The following RALGAPA1 variants were observed in gnomAD, a reference collection of about 807,000 sequenced individuals.
The protein encoded by RALGAPA1 is Ral GTPase activating protein catalytic subunit alpha 1.
A neutral mutation model predicts 269.6 loss-of-function variants in RALGAPA1; 52 were observed. That is an observed-to-expected ratio of 0.19 (90% CI 0.15 to 0.24). The LOEUF (loss-of-function observed/expected upper bound fraction) is 0.24. Among genes scored for constraint, RALGAPA1 ranks in the 10% least tolerant of loss-of-function variants. RALGAPA1 has a pLI of 1.00. For synonymous variants in RALGAPA1, 817 were observed against 1,008.3 expected (o/e 0.81, Z 3.60); for missense variants, 1,917 against 3,013.9 (o/e 0.64, Z 8.52).
intron 37 of RALGAPA1, among the ~76,000 whole-genome samples, chr14:35,592,105 A>T (rs1265383640): frequency 6.6e-6 from 1 of 152,322 alleles, no homozygotes; most frequent in Non-Finnish European, 1.5e-5. Context: ...GCAGTGTGAA[A>T]ACAGACTAAT....
intron 16 of RALGAPA1, among the ~76,000 whole-genome samples, chr14:35,715,162 C>T (rs1416561983): frequency 6.6e-6 from 1 of 152,074 alleles, no homozygotes; most frequent in Non-Finnish European, 1.5e-5. Flanking sequence ...GCCTCTCCTT[C>T]ATTCTCTCCT....
intron 38 of RALGAPA1, among the ~76,000 whole-genome samples, chr14:35,571,721 C>G (rs1467491700): frequency 6.6e-6 from 1 of 152,010 alleles, no homozygotes; most frequent in Non-Finnish European, 1.5e-5. Flanking sequence ...CCACCACCAC[C>G]ACCACCAACA....
At chr14:35,610,487 T>C (rs2059864422) in intron 35 of RALGAPA1, among the ~76,000 whole-genome samples, 1 of 152,114 alleles carries the variant, frequency 6.6e-6, no homozygotes, top group Non-Finnish European at 1.5e-5. Flanking sequence ...TTTCACCGTG[T>C]TAGCCAGGAT....
At chr14:35,684,810 TG>T in intron 20 of RALGAPA1, 118 bp downstream of exon 20, 1 of 1,008,870 alleles carries the variant, frequency 9.9e-7, no homozygotes, top group Non-Finnish European at 1.4e-6. Flanking sequence ...TTTTCTAACG[TG>T]GGAGCCACTG....
chr14:35,706,682 C>A (rs2140746005), intron 16 of RALGAPA1: 1 of 143,788 alleles, frequency 7.0e-6, no homozygotes, highest in East Asian at 2.1e-4. Context: ...TGCAGGGGCA[C>A]AATCATGGCT....
chr14:35,794,538 G>A (rs2076419308), intron 1 of RALGAPA1, among the ~76,000 whole-genome samples: 1 of 152,026 alleles, frequency 6.6e-6, no homozygotes, highest in African/African-American at 2.4e-5. Flanking sequence ...CTCACTGCAA[G>A]CTCCGCCTCC....
At chr14:35,645,730 C>CAA (rs59715478) in intron 31 of RALGAPA1, among the ~76,000 whole-genome samples, 312 of 91,838 alleles carry the variant, frequency 3.4e-3, no homozygotes, top group East Asian at 0.019. Context: ...ACTCCATCTC[C>CAA]AAAAAAAAAA....
Position 35,761,637 on chromosome 14 carries a change from C to T in RALGAPA1, c.370-631G>A, listed in dbSNP as rs567018429. Among the ~76,000 whole-genome samples, 5 of 152,270 alleles carry T rather than the reference C, an allele frequency of 3.3e-5. No homozygotes were observed. The South Asian group carries it at 1.0e-3, about 32-fold the overall frequency. On this transcript the variant is annotated intron_variant, in intron 5 of 41. Transcript: ENST00000680220. Reference sequence around the variant, plus strand: ...AAAGCATCTAAAACAATACCCTGTACACAGAAGACAATAAATATTTTAACT... The same window carrying T: ...AAAGCATCTAAAACAATACCCTGTATACAGAAGACAATAAATATTTTAACT...
At chr14:35,579,136 T>C (rs2057777112) in intron 37 of RALGAPA1, among the ~76,000 whole-genome samples, 1 of 152,102 alleles carries the variant, frequency 6.6e-6, no homozygotes, top group Non-Finnish European at 1.5e-5. Flanking sequence ...CCTGATAATG[T>C]GGAGAAAAAA....
chr14:35,786,468 T>G (rs938714453), intron 1 of RALGAPA1, among the ~76,000 whole-genome samples: 2 of 151,722 alleles, frequency 1.3e-5, no homozygotes, highest in African/African-American at 4.8e-5. Flanking sequence ...TAACCCCGTC[T>G]CCATTAAAAA....
At chr14:35,661,883 G>A (rs1018742745) in intron 27 of RALGAPA1, among the ~76,000 whole-genome samples, 7 of 151,588 alleles carry the variant, frequency 4.6e-5, no homozygotes, top group African/African-American at 1.7e-4. Context: ...AGAGAGATTT[G>A]TAAACAAACA....
intron 39 of RALGAPA1, among the ~76,000 whole-genome samples, chr14:35,563,827 T>C (rs1431586861): frequency 2.0e-5 from 3 of 152,168 alleles, no homozygotes; most frequent in Non-Finnish European, 4.4e-5. Flanking sequence ...CTATATTTTC[T>C]TGAGATGGAG....
At chr14:35,732,713 CAT>C (rs1457112467) in intron 12 of RALGAPA1, among the ~76,000 whole-genome samples, 17 of 152,156 alleles carry the variant, frequency 1.1e-4, no homozygotes, top group African/African-American at 4.1e-4. Flanking sequence ...TAATCCTAAA[CAT>C]ATATGCACCT....
At chr14:35,718,132 T>C (rs928435702) in intron 16 of RALGAPA1, among the ~76,000 whole-genome samples, 18 of 152,210 alleles carry the variant, frequency 1.2e-4, no homozygotes, top group African/African-American at 4.1e-4. Flanking sequence ...TTTAACCTGA[T>C]TGACTTTTCT....
intron 3 of RALGAPA1, 40 bp downstream of exon 3, chr14:35,774,966 A>T (rs1369259736): frequency 7.8e-7 from 1 of 1,275,850 alleles, no homozygotes; most frequent in African/African-American, 1.5e-5. Flanking sequence ...TCCAAAAATT[A>T]TTTTTGAAAA....
chr14:35,627,023 TG>T, intron 34 of RALGAPA1, 66 bp downstream of exon 34: 3 of 1,348,982 alleles, frequency 2.2e-6, no homozygotes, highest in South Asian at 1.9e-5. Context: ...GAAAATAAAA[TG>T]CTTTATCAGA....
chr14:35,734,883 T>C (rs181627378), intron 12 of RALGAPA1, among the ~76,000 whole-genome samples: 1,629 of 151,702 alleles, frequency 0.011, 32 homozygotes, highest in African/African-American at 0.038. Context: ...CATCAAAAAG[T>C]GGGCTAAGGA....
intron 22 of RALGAPA1, chr14:35,677,702 AAT>A (rs2065067507): frequency 2.4e-6 from 1 of 410,302 alleles, no homozygotes; most frequent in African/African-American, 2.1e-5. Flanking sequence ...ATGATAATAC[AAT>A]ACTTGAAAAT....
chr14:35,612,427 C>A (rs923643102), intron 35 of RALGAPA1, among the ~76,000 whole-genome samples: 17 of 144,330 alleles, frequency 1.2e-4, no homozygotes, highest in African/African-American at 2.8e-4. Context: ...AAAATTGAAT[C>A]AAATGACTCA....
Sources: allele counts gnomAD v4.1 joint callset (sites outside exome capture counted in the v4.1 genomes callset), GRCh38; gene constraint gnomAD v4.1.1; transcripts MANE v1.5; gene names NCBI Gene and HGNC (gene_info 2026-07-23, HGNC 2026-07-21).